KIF26B: variants seen among roughly 807,000 people sequenced by gnomAD.
The protein encoded by KIF26B is kinesin family member 26B, also known as kinesin-like protein KIF26B.
In KIF26B, 63 loss-of-function variants were observed where a neutral mutation model predicts 151.2. That is an observed-to-expected ratio of 0.42 (90% CI 0.34 to 0.51). KIF26B has a LOEUF of 0.51. KIF26B is among the 20% of genes least tolerant of loss of function. The pLI is 0.07. For synonymous variants in KIF26B, 1,357 were observed against 1,262.1 expected, an observed-to-expected ratio of 1.08 and a Z score of -1.59; for missense variants, 2,813 against 2,913.6, an observed-to-expected ratio of 0.97 and a Z score of 0.79.
At chr1:245,173,446 C>T (rs532094685) in intron 2 of KIF26B, among the ~76,000 whole-genome samples, 5 of 152,092 alleles carry the variant, frequency 3.3e-5, no homozygotes, top group East Asian at 1.9e-4. Context: ...GTGCACTGGT[C>T]GCCCAGTGAC....
At chr1:245,355,529 G>A (rs1672673768) in intron 2 of KIF26B, among the ~76,000 whole-genome samples, 1 of 150,806 alleles carries the variant, frequency 6.6e-6, no homozygotes, top group Admixed American at 6.6e-5. Flanking sequence ...CCAGGAGAGT[G>A]AGGCTGCAGT....
intron 2 of KIF26B, among the ~76,000 whole-genome samples, chr1:245,158,323 A>C (rs186620961): frequency 6.6e-6 from 1 of 152,320 alleles, no homozygotes; most frequent in East Asian, 1.9e-4. Flanking sequence ...CAGAGGAAAC[A>C]AATGTTGAAA....
chr1:245,574,925 C>T (rs369528272), intron 5 of KIF26B, among the ~76,000 whole-genome samples: 1 of 141,312 alleles, frequency 7.1e-6, no homozygotes, highest in South Asian at 2.2e-4. Context: ...GCGCCAGTGG[C>T]GCGATCTCGG....
At chr1:245,395,379 A>G (rs1168521704) in intron 3 of KIF26B, among the ~76,000 whole-genome samples, 1 of 152,200 alleles carries the variant, frequency 6.6e-6, no homozygotes, top group African/African-American at 2.4e-5. Context: ...AACAGCTCAA[A>G]TTATGAAATA....
intron 4 of KIF26B, among the ~76,000 whole-genome samples, chr1:245,434,224 C>A (rs1658849318): frequency 6.6e-6 from 1 of 152,276 alleles, no homozygotes; most frequent in African/African-American, 2.4e-5. Flanking sequence ...AAAAACTGGT[C>A]TGAAGTTCTT....
chr1:245,571,441 T>C (rs1402239698), intron 5 of KIF26B, among the ~76,000 whole-genome samples: 1 of 152,220 alleles, frequency 6.6e-6, no homozygotes. Context: ...CTCTTTGTCA[T>C]TCCATCTCCA....
intron 3 of KIF26B, among the ~76,000 whole-genome samples, chr1:245,373,583 T>C (rs2103013875): frequency 6.6e-6 from 1 of 152,342 alleles, no homozygotes; most frequent in Admixed American, 6.5e-5. Context: ...TGTGCATTCC[T>C]TGAGTTGCAG....
chr1:245,317,802 C>T (rs1671808232), intron 2 of KIF26B, among the ~76,000 whole-genome samples: 1 of 152,168 alleles, frequency 6.6e-6, no homozygotes, highest in Non-Finnish European at 1.5e-5. Context: ...CCTCAACTTG[C>T]CATGGATGGC....
At chr1:245,204,378 CT>C (rs11350122) in intron 2 of KIF26B, among the ~76,000 whole-genome samples, 76,657 of 146,354 alleles carry the variant, frequency 0.52, 21,126 homozygotes, top group Non-Finnish European at 0.63. Flanking sequence ...TAAGATCTCT[CT>C]TTTTTTTTTT....
At chr1:245,657,686 G>A (rs182163986) in intron 10 of KIF26B, among the ~76,000 whole-genome samples, 13 of 152,082 alleles carry the variant, frequency 8.5e-5, no homozygotes, top group Non-Finnish European at 2.9e-5. Flanking sequence ...ATGCTTTGCC[G>A]ATGCCGATTC....
chr1:245,265,939 G>A (rs542697341), intron 2 of KIF26B, among the ~76,000 whole-genome samples: 1 of 152,204 alleles, frequency 6.6e-6, no homozygotes, highest in South Asian at 2.1e-4. Context: ...TAAGCAAAAA[G>A]CATAAACCAT....
At chr1:245,421,374 G>A (rs1471860106) in intron 4 of KIF26B, among the ~76,000 whole-genome samples, 1 of 152,154 alleles carries the variant, frequency 6.6e-6, no homozygotes, top group East Asian at 1.9e-4. Context: ...TGGAGACTTG[G>A]TTCGTTCTGT....
At chr1:245,191,632 A>G (rs1669113290) in intron 2 of KIF26B, among the ~76,000 whole-genome samples, 1 of 152,230 alleles carries the variant, frequency 6.6e-6, no homozygotes, top group Admixed American at 6.5e-5. Context: ...ATATCAGAAA[A>G]CATTTGTACG....
At chr1:245,249,960 T>C (rs895652994) in intron 2 of KIF26B, among the ~76,000 whole-genome samples, 1 of 152,272 alleles carries the variant, frequency 6.6e-6, no homozygotes, top group African/African-American at 2.4e-5. Context: ...CCACTTAATA[T>C]CTGTGTTAAA....
intron 4 of KIF26B, among the ~76,000 whole-genome samples, chr1:245,478,809 A>G (rs983579397): frequency 2.0e-5 from 3 of 151,772 alleles, no homozygotes; most frequent in African/African-American, 4.8e-5. Context: ...GCAGGATGTG[A>G]TGGCAGCGAC....
At chr1:245,357,853 A>G (rs114479799) in intron 2 of KIF26B, among the ~76,000 whole-genome samples, 1,622 of 152,246 alleles carry the variant, frequency 0.011, 19 homozygotes, top group Non-Finnish European at 0.018. Flanking sequence ...GTCACAGGGG[A>G]ATGGGGCAAG....
intron 3 of KIF26B, among the ~76,000 whole-genome samples, chr1:245,401,303 C>A (rs1050739293): frequency 1.3e-5 from 2 of 152,070 alleles, no homozygotes; most frequent in African/African-American, 4.8e-5. Flanking sequence ...CCTTAGAAGC[C>A]GCAGATCAGC....
chr1:245,364,097 C>G (rs977997334), intron 2 of KIF26B, among the ~76,000 whole-genome samples: 1 of 152,186 alleles, frequency 6.6e-6, no homozygotes, highest in Admixed American at 6.5e-5. Flanking sequence ...ACTGTGAACT[C>G]TCAGAGAACG....
intron 2 of KIF26B, among the ~76,000 whole-genome samples, chr1:245,336,105 GGTCCCACGCAGGGAAAGAAGA>G (rs879395666): frequency 0.062 from 7,672 of 123,220 alleles, 363 homozygotes; most frequent in Admixed American, 0.12. Context: ...GGGAAAGGAG[GGTCCCACGCAGGGAAAGAAGA>G]GTCCCACGCA....
Sources: gnomAD v4.1 joint callset for allele counts (sites outside exome capture counted in the v4.1 genomes callset) on GRCh38, gnomAD v4.1.1 for gene constraint, MANE v1.5 for transcripts, NCBI Gene and HGNC (gene_info 2026-07-23, HGNC 2026-07-21) for gene names.